VSTM2B: variants seen among roughly 807,000 people sequenced by gnomAD.
VSTM2B encodes V-set and transmembrane domain-containing protein 2B.
In VSTM2B, 24 loss-of-function variants were observed where a neutral mutation model predicts 24.0. The ratio of observed to expected loss-of-function variants is 1.00; its 90% CI spans 0.72 to 1.40. VSTM2B has a LOEUF of 1.40. VSTM2B is among the 40% of genes most tolerant of loss of function. VSTM2B has a pLI of 0.00. For missense variants in VSTM2B, 399 were observed against 416.4 expected (o/e 0.96, Z 0.36); for synonymous variants, 226 against 194.4 (o/e 1.16, Z -1.35).
At chr19:29,558,430 A>G (rs1269068354) in intron 4 of VSTM2B, among the ~76,000 whole-genome samples, 1 of 152,214 alleles carries the variant, frequency 6.6e-6, no homozygotes, top group Non-Finnish European at 1.5e-5. Flanking sequence ...CTGCAGCACT[A>G]TTCACAATAG....
chr19:29,546,904 C>T (rs1263249095), intron 4 of VSTM2B, among the ~76,000 whole-genome samples: 1 of 152,236 alleles, frequency 6.6e-6, no homozygotes. Context: ...GGAAAAATCT[C>T]ATCCCCCATT....
At chr19:29,533,638 T>C (rs149435838) in intron 4 of VSTM2B, among the ~76,000 whole-genome samples, 1 of 152,324 alleles carries the variant, frequency 6.6e-6, no homozygotes, top group East Asian at 1.9e-4. Flanking sequence ...CCGAACAGCC[T>C]TGATGCCAAG....
chr19:29,530,710 C>A (rs376793851), intron 4 of VSTM2B, among the ~76,000 whole-genome samples: 1 of 152,090 alleles, frequency 6.6e-6, no homozygotes, highest in Non-Finnish European at 1.5e-5. Context: ...TGCTGGAGAG[C>A]GGGAGGCGGT....
intron 4 of VSTM2B, among the ~76,000 whole-genome samples, chr19:29,556,668 A>G (rs1970417478): frequency 6.6e-6 from 1 of 152,252 alleles, no homozygotes; most frequent in African/African-American, 2.4e-5. Context: ...CTGATAAGCA[A>G]CTTCAGCACT....
intron 4 of VSTM2B, among the ~76,000 whole-genome samples, chr19:29,560,280 C>T (rs184407590): frequency 6.6e-6 from 1 of 152,274 alleles, no homozygotes; most frequent in Admixed American, 6.5e-5. Flanking sequence ...TTTTTGCAAT[C>T]AACCACTATA....
chr19:29,527,952 A>C (rs1969629187), intron 2 of VSTM2B, among the ~76,000 whole-genome samples: 1 of 152,076 alleles, frequency 6.6e-6, no homozygotes, highest in Non-Finnish European at 1.5e-5. Flanking sequence ...GCGTGCACAC[A>C]CACCTACACA....
intron 4 of VSTM2B, among the ~76,000 whole-genome samples, chr19:29,554,401 C>T (rs998793508): frequency 1.3e-5 from 2 of 152,192 alleles, no homozygotes; most frequent in African/African-American, 4.8e-5. Context: ...GCCTGCCTTG[C>T]AAGAGCTCCT....
intron 3 of VSTM2B, chr19:29,528,815 G>T (rs908744021): frequency 2.2e-5 from 17 of 790,106 alleles, no homozygotes; most frequent in Middle Eastern, 6.4e-4. Context: ...GCGGCTGCTC[G>T]CCCTCGCCGC....
At position 29,545,591 on chromosome 19, in the gene VSTM2B, C is replaced by T. The variant is rs140709152; in HGVS notation, c.769+15301C>T. ...TCATGCCATTGCACGCCAGCCTGGG[C>T]GACAAGAGTGAAACTCCATCTCAAA... On this transcript the variant is annotated intron_variant, in intron 4 of 4. Coordinates refer to ENST00000335523, the MANE Select transcript of VSTM2B (RefSeq NM_001146339.2). 4.5e-3 allele frequency among the ~76,000 whole-genome samples: 679 copies of T among 152,198 alleles called. 5 individuals are homozygous for T. The highest frequency in any genetic ancestry group is 0.015 in the African/African-American group (627 of 41,528).
intron 4 of VSTM2B, among the ~76,000 whole-genome samples, chr19:29,536,889 T>C (rs1452973168): frequency 1.3e-5 from 2 of 152,228 alleles, no homozygotes; most frequent in Admixed American, 6.5e-5. Context: ...TTTTGTAATA[T>C]GATATTGATT....
At position 29,526,160 on chromosome 19, in the gene VSTM2B, G is replaced by A. The variant is rs2145450600; in HGVS notation, c.-424G>A. ...GGGAGCCGAAGGAGGTGGCAATCGG[G>A]AGCAGAACCAGAAGGAGACAGGGAG... is the stretch of plus-strand genomic sequence containing the variant. On this transcript the variant is annotated 5_prime_UTR_variant, in exon 1 of 5. Transcript: ENST00000335523. This position sits in a 1 kb window ranked among gnomAD's most constrained non-coding sequence, Gnocchi z 4.1. Among the ~76,000 whole-genome samples, 1 of 152,214 alleles carries A rather than the reference G, an allele frequency of 6.6e-6. No homozygotes were observed. Among genetic ancestry groups the A allele is most frequent in the East Asian group, 1.9e-4 (1 of 5,152 alleles).
chr19:29,563,721 C>T, intron 4 of VSTM2B, 125 bp from the exon 5 acceptor site: 1 of 763,956 alleles, frequency 1.3e-6, no homozygotes, highest in Non-Finnish European at 2.2e-6. Context: ...ATGCACCAGC[C>T]TCCAGCTGGG....
At chr19:29,528,744 T>TCCA (rs1969648523) in intron 3 of VSTM2B, among the ~76,000 whole-genome samples, 2 of 152,210 alleles carry the variant, frequency 1.3e-5, no homozygotes, top group African/African-American at 4.8e-5. Flanking sequence ...ACTGCGCGCT[T>TCCA]AGGGCCTCTC....
intron 4 of VSTM2B, among the ~76,000 whole-genome samples, chr19:29,537,606 G>A (rs1391382410): frequency 6.6e-6 from 1 of 152,000 alleles, no homozygotes; most frequent in Non-Finnish European, 1.5e-5. Flanking sequence ...TCTGGTTCTT[G>A]CAGTTCAAGA....
intron 4 of VSTM2B, among the ~76,000 whole-genome samples, chr19:29,561,753 G>A (rs911871930): frequency 1.3e-5 from 2 of 152,160 alleles, no homozygotes; most frequent in African/African-American, 4.8e-5. Context: ...CCACACACCC[G>A]AGCCTCAGGG....
intron 4 of VSTM2B, among the ~76,000 whole-genome samples, chr19:29,533,198 C>G (rs957143721): frequency 6.6e-6 from 1 of 152,192 alleles, no homozygotes; most frequent in African/African-American, 2.4e-5. Context: ...GCCATCCCAG[C>G]AGATAGGACC....
intron 4 of VSTM2B, among the ~76,000 whole-genome samples, chr19:29,555,528 T>A (rs1389646464): frequency 6.6e-6 from 1 of 151,814 alleles, no homozygotes; most frequent in Non-Finnish European, 1.5e-5. Flanking sequence ...ACTCCAAAGC[T>A]AGTAAAAGAA....
At chr19:29,551,659 A>T (rs1970287698) in intron 4 of VSTM2B, among the ~76,000 whole-genome samples, 2 of 152,210 alleles carry the variant, frequency 1.3e-5, no homozygotes, top group Admixed American at 1.3e-4. Flanking sequence ...GCTTAATATA[A>T]GGAATGAATC....
intron 4 of VSTM2B, among the ~76,000 whole-genome samples, chr19:29,557,875 C>T (rs1171765085): frequency 6.6e-6 from 1 of 152,118 alleles, no homozygotes; most frequent in Admixed American, 6.5e-5. Flanking sequence ...TAAAGAGCTT[C>T]TGTGCAGCAA....
Sources: allele counts gnomAD v4.1 joint callset (sites outside exome capture counted in the v4.1 genomes callset), GRCh38; gene constraint gnomAD v4.1.1; non-coding constraint Gnocchi (gnomAD v3.1); transcripts MANE v1.5; gene names NCBI Gene and HGNC (gene_info 2026-07-23, HGNC 2026-07-21).